EHBP1: variants seen among roughly 807,000 people sequenced by gnomAD.
EHBP1 encodes EH domain-binding protein 1.
A neutral mutation model predicts 144.0 loss-of-function variants in EHBP1; 55 were observed. The observed-to-expected ratio is 0.38, with a 90% CI of 0.31 to 0.48. EHBP1 has a LOEUF of 0.48. EHBP1 is among the 20% of genes least tolerant of loss of function. The probability of loss-of-function intolerance (pLI) is 0.98; values close to 1 mark genes in which losing one functional copy is unlikely to be tolerated. For synonymous variants in EHBP1, 469 were observed against 472.7 expected (o/e 0.99, Z 0.10); for missense variants, 1,200 against 1,364.2 (o/e 0.88, Z 1.90).
At chr2:63,012,448 T>C (rs2153234257) in intron 19 of EHBP1, among the ~76,000 whole-genome samples, 1 of 152,262 alleles carries the variant, frequency 6.6e-6, no homozygotes, top group East Asian at 1.9e-4. Flanking sequence ...AAATATATAA[T>C]AGCTAATAAT....
chr2:62,897,281 A>G (rs2053014799), intron 10 of EHBP1, among the ~76,000 whole-genome samples: 2 of 152,226 alleles, frequency 1.3e-5, no homozygotes, highest in Non-Finnish European at 2.9e-5. Context: ...TCAATTTGGT[A>G]TATGGAGAGC....
chr2:62,753,575 T>C (rs1573141773), intron 3 of EHBP1, among the ~76,000 whole-genome samples: 1 of 152,242 alleles, frequency 6.6e-6, no homozygotes, highest in East Asian at 1.9e-4. Context: ...GCAGTTCTCC[T>C]GGTTAATATC....
At chr2:63,006,775 G>C (rs1395470563) in intron 19 of EHBP1, among the ~76,000 whole-genome samples, 2 of 151,596 alleles carry the variant, frequency 1.3e-5, no homozygotes, top group Non-Finnish European at 2.9e-5. Context: ...TAAGACTTTT[G>C]AAAGAGTTCA....
In EHBP1 at chr2:63,042,318, A is replaced by G. The variant is rs143321382; in HGVS notation, c.3278-2748A>G. Among the ~76,000 whole-genome samples the G allele has an allele frequency of 2.0e-3, 297 of 152,284 alleles. 1 individual carries two copies. Among genetic ancestry groups the G allele is most frequent in the Admixed American group, 3.5e-3 (54 of 15,300 alleles). ...TTCAAATATATATGTATATGTATAC[A>G]TATGTATGAGTTTGTGTACATATAT... is the stretch of plus-strand genomic sequence containing the variant. On this transcript the variant is annotated intron_variant, in intron 21 of 22. Coordinates refer to ENST00000431489, the MANE Select transcript of EHBP1 (RefSeq NM_001142616.3).
chr2:62,730,406 G>A (rs554769208), intron 2 of EHBP1, among the ~76,000 whole-genome samples: 9 of 152,188 alleles, frequency 5.9e-5, no homozygotes, highest in Non-Finnish European at 8.8e-5. Context: ...CATACATTAG[G>A]TAGACTTTTT....
At chr2:62,809,556 A>T (rs116284705) in intron 5 of EHBP1, among the ~76,000 whole-genome samples, 1 of 152,078 alleles carries the variant, frequency 6.6e-6, no homozygotes, top group African/African-American at 2.4e-5. Flanking sequence ...GGTTTGTTGC[A>T]TGGGTAGATT....
At chr2:62,864,612 CT>C in intron 8 of EHBP1, 118 bp from the exon 9 acceptor site, 1 of 956,744 alleles carries the variant, frequency 1.0e-6, no homozygotes, top group Non-Finnish European at 1.5e-6. Context: ...TTGCTTTGCT[CT>C]TTCTCAGCCC....
rs2041641029 is a variant in EHBP1 at position 62,771,321 on chromosome 2, A to G, written c.259-18A>G. ...GACATGTATTTCAATTCCATTTCAT[A>G]TTTTGCTTTTGTTACAGGATCCTCA... is the stretch of plus-strand genomic sequence containing the variant. On this transcript the variant is annotated intron_variant, in intron 4 of 22. Coordinates refer to ENST00000431489, the MANE Select transcript of EHBP1 (RefSeq NM_001142616.3). 6 of 1,582,398 alleles carry G rather than the reference A, an allele frequency of 3.8e-6. No individual in the cohort carries two copies. The highest frequency in any genetic ancestry group is 2.3e-5 in the East Asian group (1 of 43,580).
At chr2:62,985,482 T>C (rs893308376) in intron 15 of EHBP1, among the ~76,000 whole-genome samples, 3 of 152,220 alleles carry the variant, frequency 2.0e-5, no homozygotes, top group African/African-American at 7.2e-5. Flanking sequence ...TAAATTAATC[T>C]TCTAAAGCAC....
intron 15 of EHBP1, among the ~76,000 whole-genome samples, chr2:62,981,246 A>C (rs903090611): frequency 1.3e-5 from 2 of 152,254 alleles, no homozygotes; most frequent in African/African-American, 4.8e-5. Context: ...GTCATTTATC[A>C]TTAATAATTA....
chr2:62,739,123 AGATGAG>A (rs2038437120), intron 2 of EHBP1, among the ~76,000 whole-genome samples: 1 of 152,248 alleles, frequency 6.6e-6, no homozygotes, highest in Non-Finnish European at 1.5e-5. Flanking sequence ...CTTATTTCAC[AGATGAG>A]GAACATCTTG....
At chr2:63,032,558 C>T (rs2153348869) in intron 19 of EHBP1, among the ~76,000 whole-genome samples, 1 of 122,448 alleles carries the variant, frequency 8.2e-6, no homozygotes, top group African/African-American at 3.0e-5. Flanking sequence ...CAGAGCGAGA[C>T]TCTGTCTCAA....
At chr2:62,754,259 T>C (rs1419056107) in intron 3 of EHBP1, among the ~76,000 whole-genome samples, 1 of 152,178 alleles carries the variant, frequency 6.6e-6, no homozygotes, top group Non-Finnish European at 1.5e-5. Flanking sequence ...GGAGGTCCAC[T>C]CCAGACCCTG....
At chr2:62,736,489 G>A (rs559510819) in intron 2 of EHBP1, among the ~76,000 whole-genome samples, 2 of 152,060 alleles carry the variant, frequency 1.3e-5, no homozygotes, top group African/African-American at 4.8e-5. Context: ...CTCGCAAAGC[G>A]CTGGGATTAT....
chr2:62,952,112 G>A (rs2057424119), intron 13 of EHBP1, among the ~76,000 whole-genome samples: 1 of 152,170 alleles, frequency 6.6e-6, no homozygotes, highest in South Asian at 2.1e-4. Flanking sequence ...GATGATAGAA[G>A]CAATGTCTAT....
intron 10 of EHBP1, 134 bp downstream of exon 10, chr2:62,874,666 A>G (rs2050742159): frequency 3.0e-6 from 2 of 677,322 alleles, no homozygotes; most frequent in Middle Eastern, 4.2e-4. Flanking sequence ...AATCTATTGT[A>G]CTGCAACACT....
chr2:62,960,499 A>G (rs1409876389), intron 14 of EHBP1, among the ~76,000 whole-genome samples: 2 of 152,166 alleles, frequency 1.3e-5, no homozygotes, highest in African/African-American at 4.8e-5. Flanking sequence ...CTACCGTAGC[A>G]TGCATTCATC....
chr2:62,936,602 G>C (rs576681447), intron 10 of EHBP1, among the ~76,000 whole-genome samples: 3 of 152,100 alleles, frequency 2.0e-5, no homozygotes, highest in African/African-American at 7.2e-5. Flanking sequence ...AAACAGCAGA[G>C]AGTTTCACTT....
chr2:62,824,678 A>C (rs530360738), intron 5 of EHBP1, among the ~76,000 whole-genome samples: 73 of 152,156 alleles, frequency 4.8e-4, no homozygotes, highest in African/African-American at 1.5e-3. Context: ...TACATGCACT[A>C]ATAGTTCTGT....
Sources: gnomAD v4.1 joint callset for allele counts (sites outside exome capture counted in the v4.1 genomes callset) on GRCh38, gnomAD v4.1.1 for gene constraint, MANE v1.5 for transcripts, NCBI Gene and HGNC (gene_info 2026-07-23, HGNC 2026-07-21) for gene names.